Variants in DNAH10 observed in about 807,000 individuals in gnomAD.
The protein encoded by DNAH10 is dynein axonemal heavy chain 10.
Under a neutral mutation model 506.6 loss-of-function variants are expected in DNAH10, and 348 were observed. That is an observed-to-expected ratio of 0.69 (90% CI 0.63 to 0.75). DNAH10 has a LOEUF of 0.75. Among genes scored for constraint, DNAH10 ranks in the 30% least tolerant of loss-of-function variants. The pLI, the probability that DNAH10 is intolerant of heterozygous loss-of-function variation, is 0.00. For missense variants in DNAH10, 5,179 were observed against 5,787.1 expected (o/e 0.89, Z 3.41); for synonymous variants, 2,059 against 2,198.6 (o/e 0.94, Z 1.78).
Position 123,859,145 on chromosome 12 carries a change from C to T in DNAH10, c.6631-5C>T, listed in dbSNP as rs369286928. The T allele has an allele frequency of 2.2e-5, 36 of 1,604,740 alleles. No homozygotes were observed. The highest frequency in any genetic ancestry group is 4.5e-5 in the East Asian group (2 of 44,604). On this transcript the variant is annotated splice_polypyrimidine_tract_variant and splice_region_variant and intron_variant, in intron 37 of 78. Coordinates refer to ENST00000673944, the MANE Select transcript of DNAH10 (RefSeq NM_001372106.1). Reference sequence around the variant, plus strand: ...TTAGCCCAGCTGCCATTGTTTGTCCCGCAGGTGGATAAAGTGGTTCAAATG... The same window carrying T: ...TTAGCCCAGCTGCCATTGTTTGTCCTGCAGGTGGATAAAGTGGTTCAAATG...
intron 41 of DNAH10, among the ~76,000 whole-genome samples, chr12:123,867,097 T>C (rs1248802539): frequency 6.6e-6 from 1 of 152,168 alleles, no homozygotes; most frequent in Non-Finnish European, 1.5e-5. Flanking sequence ...CTGGTGGTGA[T>C]TGGTGCTTTG....
At position 123,909,643 on chromosome 12, in the gene DNAH10, G is replaced by A. The variant is rs1953976931; in HGVS notation, c.9997+201G>A. ...ACGTGACCCAGGGAGAGTGGCTGGGGATGCGCGGCGGCAGCCGTGCCCACT... is the reference window on the plus strand; with the variant it reads ...ACGTGACCCAGGGAGAGTGGCTGGGAATGCGCGGCGGCAGCCGTGCCCACT... On this transcript the variant is annotated intron_variant, in intron 58 of 78. Coordinates refer to ENST00000673944, the MANE Select transcript of DNAH10 (RefSeq NM_001372106.1). The surrounding 1 kb of genome is among the most constrained non-coding windows in gnomAD (Gnocchi z 5.4). 6.6e-6 allele frequency among the ~76,000 whole-genome samples: 1 copy of A among 152,222 alleles called. No homozygotes were observed. Among genetic ancestry groups the A allele is most frequent in the African/African-American group, 2.4e-5 (1 of 41,444 alleles).
chr12:123,850,979 C>T lies in DNAH10; in HGVS notation c.6194C>T (p.Ser2065Leu), dbSNP rs747425107. ...GCAGGCCGCACGGAGCTGCCCGAGT[C>T]GGTGAAGGCGCTGTTCAGGCCTGTG... ...GYAGRTELPE[S>L]VKALFRPVVV... The change falls in exon 35 of 79, where the codon TCG becomes TTG. Residue 2065 changes from serine to leucine, a missense_variant. Ser to Leu is a moderately radical substitution (Grantham distance 145). This residue lies in a region of DNAH10 where 4,844 missense variants were observed against 5,430.5 expected (regional missense o/e 0.89). Transcript: ENST00000673944. The surrounding 1 kb of genome is among the most constrained non-coding windows in gnomAD (Gnocchi z 5.5). 1.2e-5 allele frequency: 19 copies of T among 1,614,010 alleles called. No individual in the cohort carries two copies. Among genetic ancestry groups the T allele is most frequent in the Admixed American group, 6.7e-5 (4 of 60,010 alleles).
intron 2 of DNAH10, among the ~76,000 whole-genome samples, chr12:123,768,188 G>T (rs1217309121): frequency 6.6e-6 from 1 of 151,974 alleles, no homozygotes; most frequent in East Asian, 1.9e-4. Flanking sequence ...AAGCTGGAGT[G>T]TAATGGCGTG....
chr12:123,838,513 C>A lies in DNAH10; in HGVS notation c.4960C>A (p.Arg1654Ser), dbSNP rs183923487. Residue 1654 changes from arginine to serine, a missense_variant, in exon 29 of 79, where the codon CGC becomes AGC. Physicochemically the swap from Arg to Ser is moderately radical, Grantham distance 110 (BLOSUM62 -1). Transcript: ENST00000673944. ...CAAGAGGTGCTGTGAAGCCCCAAACCGCCTCAGTGACCTACAGAACGTCAG... is the reference window on the plus strand; with the variant it reads ...CAAGAGGTGCTGTGAAGCCCCAAACAGCCTCAGTGACCTACAGAACGTCAG... ...VIKRCCEAPNRLSDLQNVSEG... is the reference protein window; with the variant it reads ...VIKRCCEAPNSLSDLQNVSEG... The A allele has an allele frequency of 6.2e-7, 1 of 1,613,866 alleles. No homozygotes were observed. Among genetic ancestry groups the A allele is most frequent in the Admixed American group, 1.7e-5 (1 of 59,990 alleles).
chr12:123,851,009 T>C lies in DNAH10; in HGVS notation c.6224T>C (p.Val2075Ala), dbSNP rs1186480697. The change falls in exon 35 of 79, where the codon GTG becomes GCG. Residue 2075 changes from valine to alanine, a missense_variant. Transcript: ENST00000673944. Reference protein sequence around the residue: ...SVKALFRPVVVIVPDLQQICE... With the variant: ...SVKALFRPVVAIVPDLQQICE... ...AAGGCGCTGTTCAGGCCTGTGGTCGTGATCGTGCCCGACCTGCAGCAGATC... is the reference window on the plus strand; with the variant it reads ...AAGGCGCTGTTCAGGCCTGTGGTCGCGATCGTGCCCGACCTGCAGCAGATC... The C allele has an allele frequency of 6.2e-7, 1 of 1,613,836 alleles. No individual in the cohort carries two copies. The highest frequency in any genetic ancestry group is 1.7e-5 in the Admixed American group (1 of 60,016).
chr12:123,772,856 A>C lies in DNAH10; in HGVS notation c.419A>C (p.Glu140Ala). 6.2e-7 allele frequency: 1 copy of C among 1,607,146 alleles called. No homozygotes were observed. Residue 140 changes from glutamate (E) to alanine (A), a missense_variant, in exon 4 of 79, where the codon GAA becomes GCA. By Grantham distance (107) the Glu-to-Ala change is moderately radical. Around this residue, in one of 3 missense-constraint regions of DNAH10, gnomAD observed 326 missense variants for 330.8 expected, o/e 0.99. Transcript: ENST00000673944. ...CAGAGAACTGCGAAGCACATCATGG[A>C]AAAGATGCATCTCCACATGCTCTGT... Reference protein sequence around the residue: ...PSKRTAKHIMEKMHLHMLCTP... With the variant: ...PSKRTAKHIMAKMHLHMLCTP...
chr12:123,932,527 T>A (rs1377399513), intron 76 of DNAH10: 1 of 172,928 alleles, frequency 5.8e-6, no homozygotes, highest in African/African-American at 2.4e-5. Flanking sequence ...GGTGCACATG[T>A]ATATGAATAT....
In DNAH10 at chr12:123,784,137, A is replaced by G. The variant is rs1407777605; in HGVS notation, c.1190A>G (p.Asp397Gly). The change falls in exon 8 of 79, where the codon GAC becomes GGC. Residue 397 changes from aspartate to glycine, a missense_variant. Transcript: ENST00000673944. ...TTCAAGTTCCACACGGAGGCCTCAGACAATGTGCGCTTTCTCTCCACCGTG... is the reference window on the plus strand; with the variant it reads ...TTCAAGTTCCACACGGAGGCCTCAGGCAATGTGCGCTTTCTCTCCACCGTG... Reference protein sequence around the residue: ...ELFKFHTEASDNVRFLSTVER... With the variant: ...ELFKFHTEASGNVRFLSTVER... 2 of 1,614,124 alleles carry G rather than the reference A, an allele frequency of 1.2e-6. No homozygotes were observed. Among genetic ancestry groups the G allele is most frequent in the African/African-American group, 2.7e-5 (2 of 74,942 alleles).
chr12:123,820,973 G>A (rs1959336477), intron 24 of DNAH10, among the ~76,000 whole-genome samples: 1 of 152,216 alleles, frequency 6.6e-6, no homozygotes. Flanking sequence ...AAATAGGCTG[G>A]GTGCGGTGGC....
At chr12:123,770,718 A>G (rs1267558116) in intron 2 of DNAH10, among the ~76,000 whole-genome samples, 1 of 152,130 alleles carries the variant, frequency 6.6e-6, no homozygotes, top group Non-Finnish European at 1.5e-5. Context: ...CCAAAGCCAC[A>G]GTGACTTTGC....
In DNAH10 at chr12:123,835,528, G is replaced by C. The variant is rs1426072302; in HGVS notation, c.4902G>C (p.Arg1634Ser). ...KFDNIDKVFK[R>S]IMGETLKDPV... ...ACAACATCGATAAAGTATTTAAAAG[G>C]GCAAGTGACTCGCTTCTATTTTAGT... The change falls in exon 28 of 79, where the codon AGG becomes AGC. Residue 1634 changes from arginine (R) to serine (S), a missense_variant and splice_region_variant. Physicochemically the swap from Arg to Ser is moderately radical, Grantham distance 110. Coordinates refer to ENST00000673944, the MANE Select transcript of DNAH10 (RefSeq NM_001372106.1). 6.2e-7 allele frequency: 1 copy of C among 1,606,246 alleles called. No individual in the cohort carries two copies. The highest frequency in any genetic ancestry group is 1.7e-5 in the Admixed American group (1 of 58,872).
rs572011955 is a variant in DNAH10, at chr12:123,935,066, C to T, written c.13624-269C>T. The T allele has an allele frequency of 2.0e-5, 12 of 599,634 alleles. No individual in the cohort carries two copies. In the Admixed American group the frequency reaches 3.0e-4, roughly 15 times the overall value. The allele number at this position is 599,634 out of a possible 1,614,324, so 37.1% of individuals were successfully genotyped here. On this transcript the variant is annotated intron_variant, in intron 78 of 78. Coordinates refer to ENST00000673944, the MANE Select transcript of DNAH10 (RefSeq NM_001372106.1). ...TCTTGCAAAATGCTGCAGACATTGC[C>T]TGAGTCATAAAGTGGTTCCCGCTGG...
Position 123,914,987 on chromosome 12 carries a change from G to GGAAAACATACCGCAGGAA in DNAH10, c.10710_10711insGAAAACATACCGCAGGAA (p.Lys3570_Asn3571insGluAsnIleProGlnGlu). 6.2e-7 allele frequency: 1 copy of GGAAAACATACCGCAGGAA among 1,608,560 alleles called. No individual in the cohort carries two copies. The highest frequency in any genetic ancestry group is 2.2e-5 in the East Asian group (1 of 44,664). On this transcript the variant is annotated inframe_insertion, in exon 62 of 79. Coordinates refer to ENST00000673944, the MANE Select transcript of DNAH10 (RefSeq NM_001372106.1). ...ACTGGATCAAGAGAAAAGAGGAGAAGAACAATCTGCGGGTATGGTGGCTCC... is the reference window on the plus strand; with the variant it reads ...ACTGGATCAAGAGAAAAGAGGAGAAGGAAAACATACCGCAGGAAAACAATCTGCGGGTATGGTGGCTCC...
chr12:123,881,407 A>T (rs1952500140), intron 50 of DNAH10, among the ~76,000 whole-genome samples: 1 of 152,140 alleles, frequency 6.6e-6, no homozygotes, highest in Non-Finnish European at 1.5e-5. Context: ...GCCAGTGATG[A>T]TGAGCATTTT....
At chr12:123,929,798 G>A (rs1955122168) in intron 72 of DNAH10, 39 bp downstream of exon 72, 1 of 1,575,118 alleles carries the variant, frequency 6.3e-7, no homozygotes. Context: ...GTGCCTCTGG[G>A]GCTACAGAGC....
chr12:123,786,303 C>G (rs1240845272), intron 9 of DNAH10, among the ~76,000 whole-genome samples: 1 of 147,274 alleles, frequency 6.8e-6, no homozygotes, highest in Admixed American at 6.8e-5. Flanking sequence ...GGCGACACAG[C>G]GAGATTCTGT....
chr12:123,833,465 G>A lies in DNAH10; in HGVS notation c.4779+118G>A, dbSNP rs1960794452. 25 of 767,044 alleles carry A rather than the reference G, an allele frequency of 3.3e-5. No individual in the cohort carries two copies. In the South Asian group the frequency reaches 4.8e-4, roughly 15 times the overall value. 47.5% of individuals were successfully genotyped at this position (767,044 alleles called of 1,614,324 possible). On this transcript the variant is annotated intron_variant, in intron 27 of 78. Coordinates refer to ENST00000673944, the MANE Select transcript of DNAH10 (RefSeq NM_001372106.1). Reference sequence around the variant, plus strand: ...GGATATTTTGTGCTTAGAAACAAATGATCCTCTTTCATACTTTTTTGTCTT... The same window carrying A: ...GGATATTTTGTGCTTAGAAACAAATAATCCTCTTTCATACTTTTTTGTCTT...
chr12:123,881,448 T>A lies in DNAH10; in HGVS notation c.8635-177T>A, dbSNP rs570564000. 4.9e-3 allele frequency among the ~76,000 whole-genome samples: 740 copies of A among 152,352 alleles called. 4 individuals carry two copies. The highest frequency in any genetic ancestry group is 8.0e-3 in the Non-Finnish European group (542 of 68,026). On this transcript the variant is annotated intron_variant, in intron 50 of 78. Coordinates refer to ENST00000673944, the MANE Select transcript of DNAH10 (RefSeq NM_001372106.1). Reference sequence around the variant, plus strand: ...GTGTCTTTTGGCTGCATAAATGTCTTCTTTTGAGAAGTGTCTGTTCGTATC... The same window carrying A: ...GTGTCTTTTGGCTGCATAAATGTCTACTTTTGAGAAGTGTCTGTTCGTATC...
Sources: gnomAD v4.1 joint callset for allele counts (sites outside exome capture counted in the v4.1 genomes callset) on GRCh38, gnomAD v4.1.1 for gene constraint, gnomAD v4.1.1 regional missense constraint, Gnocchi (gnomAD v3.1) non-coding constraint, MANE v1.5 for transcripts, NCBI Gene and HGNC (gene_info 2026-07-23, HGNC 2026-07-21) for gene names.